The following EMC4 variants were observed in gnomAD, a reference collection of about 807,000 sequenced individuals.
EMC4 encodes the protein ER membrane protein complex subunit 4, also known as cell proliferation-inducing gene 17 protein.
Under a neutral mutation model 24.2 loss-of-function variants are expected in EMC4, and 9 were observed. The ratio of observed to expected loss-of-function variants is 0.37; its 90% CI spans 0.22 to 0.65. The LOEUF (loss-of-function observed/expected upper bound fraction) is 0.65, where lower values mean the gene tolerates loss of function less well. Ranked by LOEUF, EMC4 falls within the 30% of genes least tolerant of loss-of-function variation. EMC4 has a pLI of 0.59. For synonymous variants in EMC4, 86 were observed against 81.1 expected (o/e 1.06, Z -0.32); for missense variants, 169 against 234.6 (o/e 0.72, Z 1.83).
rs763549745 is a variant in EMC4, at chr15:34,228,592, A to G, written c.516+3A>G. Reference sequence around the variant, plus strand: ...TAGCCTTCATTGAGCCCCCTGAGGTAAGGCAAAAGAAAAGCTGAATTTTGG... The same window carrying G: ...TAGCCTTCATTGAGCCCCCTGAGGTGAGGCAAAAGAAAAGCTGAATTTTGG... On this transcript the variant is annotated splice_donor_region_variant and intron_variant, in intron 4 of 4. Transcript: ENST00000267750. 2.5e-6 allele frequency: 4 copies of G among 1,607,092 alleles called. No individual in the cohort carries two copies. Among genetic ancestry groups the G allele is most frequent in the African/African-American group, 2.7e-5 (2 of 74,452 alleles).
Position 34,228,331 on chromosome 15 carries a change from T to A in EMC4, c.356-98T>A, listed in dbSNP as rs969350517. ...CCTTTAATGGTCCTATTTGCTGTCT[T>A]ACTATGGGTCTGTCTATATGAATTT... On this transcript the variant is annotated intron_variant, in intron 3 of 4. Transcript: ENST00000267750. The A allele has an allele frequency of 2.3e-6, 3 of 1,300,800 alleles. No homozygotes were observed. The East Asian group carries it at 6.9e-5, about 30-fold the overall frequency. 80.6% of individuals were successfully genotyped at this position (1,300,800 alleles called of 1,614,324 possible). A position where few individuals can be genotyped will look rare whatever the true frequency, so the allele number is the denominator to read the frequency against.
At position 34,225,518 on chromosome 15, in the gene EMC4, CTTGGT is replaced by C. The variant is rs769937702; in HGVS notation, c.87-10_87-6del. On this transcript the variant is annotated splice_polypyrimidine_tract_variant and intron_variant, in intron 1 of 4. Transcript: ENST00000267750. Reference sequence around the variant, plus strand: ...GTATCGGAGGTTGCAGCTTTAGTTTCTTGGTTTGGTTTTTTAGGGGTCGAAGTGAC... The same window carrying C: ...GTATCGGAGGTTGCAGCTTTAGTTTCTTGGTTTTTTAGGGGTCGAAGTGAC... 76 of 1,592,954 alleles carry C rather than the reference CTTGGT, an allele frequency of 4.8e-5. No individual in the cohort carries two copies. Among genetic ancestry groups the C allele is most frequent in the Non-Finnish European group, 6.1e-5 (71 of 1,161,104 alleles).
intron 4 of EMC4, 148 bp from the exon 5 acceptor site, chr15:34,229,605 T>C: frequency 1.6e-6 from 1 of 621,332 alleles, no homozygotes. Context: ...AGTGTTTAGC[T>C]AAGATTAGCT....
chr15:34,228,575 A>G lies in EMC4; in HGVS notation c.502A>G (p.Ile168Val). 6.2e-7 allele frequency: 1 copy of G among 1,613,300 alleles called. No individual in the cohort carries two copies. The highest frequency in any genetic ancestry group is 8.5e-7 in the Non-Finnish European group (1 of 1,179,802). Residue 168 changes from isoleucine to valine, a missense_variant, in exon 4 of 5, where the codon ATT becomes GTT. Physicochemically the swap from Ile to Val is conservative, Grantham distance 29. Coordinates refer to ENST00000267750, the MANE Select transcript of EMC4 (RefSeq NM_016454.4). ...ACATGCATCGGATTGGTTAGCCTTC[A>G]TTGAGCCCCCTGAGGTAAGGCAAAA... is the stretch of plus-strand genomic sequence containing the variant. ...PTHASDWLAF[I>V]EPPERMEFSG...
Position 34,225,521 on chromosome 15 carries a change from G to T in EMC4, c.87-15G>T, listed in dbSNP as rs1890627721. 1 of 1,598,300 alleles carries T rather than the reference G, an allele frequency of 6.3e-7. No individual in the cohort carries two copies. Among genetic ancestry groups the T allele is most frequent in the Non-Finnish European group, 8.6e-7 (1 of 1,165,738 alleles). On this transcript the variant is annotated splice_polypyrimidine_tract_variant and intron_variant, in intron 1 of 4. Coordinates refer to ENST00000267750, the MANE Select transcript of EMC4 (RefSeq NM_016454.4). ...TCGGAGGTTGCAGCTTTAGTTTCTTGGTTTGGTTTTTTAGGGGTCGAAGTG... is the reference window on the plus strand; with the variant it reads ...TCGGAGGTTGCAGCTTTAGTTTCTTTGTTTGGTTTTTTAGGGGTCGAAGTG...
chr15:34,225,033 C>G lies in EMC4; in HGVS notation c.-82C>G, dbSNP rs533654770. On this transcript the variant is annotated 5_prime_UTR_variant, in exon 1 of 5. Coordinates refer to ENST00000267750, the MANE Select transcript of EMC4 (RefSeq NM_016454.4). ...CCGGAAGTGCATTTGCAGAGTGAGA[C>G]AAAGCGGAGAACGCTGGTGGGCCTG... 5.7e-5 allele frequency: 68 copies of G among 1,191,424 alleles called. No individual in the cohort carries two copies. The South Asian group carries it at 7.7e-4, about 13-fold the overall frequency. 73.8% of individuals were successfully genotyped at this position (1,191,424 alleles called of 1,614,324 possible).
chr15:34,228,679 TGA>T, intron 4 of EMC4, 90 bp downstream of exon 4: 6 of 1,012,690 alleles, frequency 5.9e-6, no homozygotes, highest in Non-Finnish European at 7.0e-6. Flanking sequence ...AGTTGGTATT[TGA>T]GTTTCTTTTT....
At chr15:34,228,311 A>G in intron 3 of EMC4, 118 bp from the exon 4 acceptor site, 1 of 1,047,248 alleles carries the variant, frequency 9.5e-7, no homozygotes, top group Non-Finnish European at 1.4e-6. Flanking sequence ...GTTTGCCTTT[A>G]ATGGTCCTAT....
At chr15:34,227,634 T>C in intron 2 of EMC4, 59 bp from the exon 3 acceptor site, 1 of 1,560,576 alleles carries the variant, frequency 6.4e-7, no homozygotes. Flanking sequence ...ATCAGTGATA[T>C]GGCAAATGTG....
Position 34,225,253 on chromosome 15 carries a change from A to G in EMC4, c.86+53A>G, listed in dbSNP as rs1197420922. On this transcript the variant is annotated intron_variant, in intron 1 of 4. Coordinates refer to ENST00000267750, the MANE Select transcript of EMC4 (RefSeq NM_016454.4). ...ACTGTTCATCCCAGAACTGCACCAG[A>G]GTAATGAGACCTGAGCCCTCAGGCA... 2.8e-6 allele frequency: 4 copies of G among 1,412,940 alleles called. No homozygotes were observed. In the Admixed American group the frequency reaches 7.1e-5, roughly 25 times the overall value. 87.5% of individuals were successfully genotyped at this position (1,412,940 alleles called of 1,614,324 possible).
Position 34,225,083 on chromosome 15 carries a change from A to C in EMC4, c.-32A>C. On this transcript the variant is annotated 5_prime_UTR_variant, in exon 1 of 5. Coordinates refer to ENST00000267750, the MANE Select transcript of EMC4 (RefSeq NM_016454.4). ...GTTGTGGAGTACGCTTTGGACTGAGAAGCATCGAGGCTATAGGACGCAGCT... is the reference window on the plus strand; with the variant it reads ...GTTGTGGAGTACGCTTTGGACTGAGCAGCATCGAGGCTATAGGACGCAGCT... 1 of 1,532,424 alleles carries C rather than the reference A, an allele frequency of 6.5e-7. No individual in the cohort carries two copies. The highest frequency in any genetic ancestry group is 8.9e-7 in the Non-Finnish European group (1 of 1,129,430). 94.9% of individuals were successfully genotyped at this position (1,532,424 alleles called of 1,614,324 possible). A position where few individuals can be genotyped will look rare whatever the true frequency, so the allele number is the denominator to read the frequency against.
chr15:34,229,629 T>A (rs1193439912), intron 4 of EMC4, 124 bp from the exon 5 acceptor site: 10 of 667,522 alleles, frequency 1.5e-5, no homozygotes, highest in Non-Finnish European at 2.4e-5. Flanking sequence ...GCGCCTGGCC[T>A]GGAAGTTCTT....
intron 3 of EMC4, 167 bp from the exon 4 acceptor site, chr15:34,228,262 G>GTGGCA: frequency 1.5e-6 from 1 of 647,084 alleles, no homozygotes; most frequent in Non-Finnish European, 2.7e-6. Flanking sequence ...GGTAATGGTG[G>GTGGCA]TGGCATGGAG....
At position 34,225,079 on chromosome 15, in the gene EMC4, T is replaced by G; in HGVS notation, c.-36T>G. The G allele has an allele frequency of 6.6e-7, 1 of 1,525,178 alleles. No homozygotes were observed. The highest frequency in any genetic ancestry group is 8.9e-7 in the Non-Finnish European group (1 of 1,122,894). The allele number at this position is 1,525,178 out of a possible 1,614,324, so 94.5% of individuals were successfully genotyped here. ...GCCTGTTGTGGAGTACGCTTTGGAC[T>G]GAGAAGCATCGAGGCTATAGGACGC... On this transcript the variant is annotated 5_prime_UTR_variant, in exon 1 of 5. Coordinates refer to ENST00000267750, the MANE Select transcript of EMC4 (RefSeq NM_016454.4).
At chr15:34,229,444 G>A (rs1890769764) in intron 4 of EMC4, 3 of 245,838 alleles carry the variant, frequency 1.2e-5, no homozygotes, top group Admixed American at 5.3e-5. Context: ...CCGGGCTCAG[G>A]CACTCAGCCT....
chr15:34,228,395 T>G, intron 3 of EMC4, 34 bp from the exon 4 acceptor site: 1 of 1,609,066 alleles, frequency 6.2e-7, no homozygotes. Context: ...GGGAAAGAGT[T>G]CTTTTGGTTT....
chr15:34,228,115 A>G (rs1331990673), intron 3 of EMC4: 2 of 451,282 alleles, frequency 4.4e-6, no homozygotes, highest in Admixed American at 3.5e-5. Context: ...CCTGGGAGGC[A>G]GAGGTTGCAG....
chr15:34,228,682 GTTTCTTT>G (rs1890727521), intron 4 of EMC4, 93 bp downstream of exon 4: 2 of 567,592 alleles, frequency 3.5e-6, no homozygotes, highest in Admixed American at 3.7e-5. Flanking sequence ...TGGTATTTGA[GTTTCTTT>G]TTTTTTTTTT....
At chr15:34,228,083 T>C in intron 3 of EMC4, 2 of 459,836 alleles carry the variant, frequency 4.3e-6, no homozygotes, top group Non-Finnish European at 7.9e-6. Flanking sequence ...CTTGGGAGGC[T>C]GAGACAGGAG....
Sources: gnomAD v4.1 joint callset for allele counts on GRCh38, gnomAD v4.1.1 for gene constraint, MANE v1.5 for transcripts, NCBI Gene and HGNC (gene_info 2026-07-23, HGNC 2026-07-21) for gene names.